Variants in TMPO observed in about 807,000 individuals in gnomAD.
TMPO encodes LEM domain containing 4.
Under a neutral mutation model 45.4 loss-of-function variants are expected in TMPO, and 22 were observed. The ratio of observed to expected loss-of-function variants is 0.48; its 90% CI spans 0.35 to 0.69. TMPO has a LOEUF of 0.69. TMPO is among the 30% of genes least tolerant of loss of function. The pLI is 0.01. For missense variants in TMPO, 512 were observed against 548.8 expected, an observed-to-expected ratio of 0.93 and a Z score of 0.67; for synonymous variants, 241 against 204.1, an observed-to-expected ratio of 1.18 and a Z score of -1.54.
intron 1 of TMPO, among the ~76,000 whole-genome samples, chr12:98,518,937 G>C (rs1433965183): frequency 6.6e-6 from 1 of 151,590 alleles, no homozygotes; most frequent in Admixed American, 6.6e-5. Flanking sequence ...TCTGGGGTGC[G>C]GTGGCGCGAT....
intron 2 of TMPO, among the ~76,000 whole-genome samples, chr12:98,531,260 A>T (rs1877172026): frequency 1.1e-5 from 1 of 89,026 alleles, no homozygotes. Context: ...TTTTTTTTTA[A>T]GACAGCATCT....
At chr12:98,534,440 A>G in intron 3 of TMPO, 2 of 1,580,398 alleles carry the variant, frequency 1.3e-6, no homozygotes, top group South Asian at 1.1e-5. Flanking sequence ...AGATAGGGCT[A>G]ATTACAAAAT....
intron 3 of TMPO, 133 bp from the exon 4 acceptor site, chr12:98,537,342 G>A (rs1053902116): frequency 4.4e-6 from 3 of 675,132 alleles, no homozygotes; most frequent in East Asian, 5.4e-5. Flanking sequence ...TTTTGGACTA[G>A]TGAGGTATTA....
chr12:98,519,705 T>C (rs918837797), intron 1 of TMPO, among the ~76,000 whole-genome samples: 5 of 152,172 alleles, frequency 3.3e-5, no homozygotes, highest in Admixed American at 6.5e-5. Flanking sequence ...AAGAAAAATA[T>C]TGGTAGTCAG....
At chr12:98,541,057 AC>A (rs1877887757) in intron 4 of TMPO, among the ~76,000 whole-genome samples, 1 of 152,144 alleles carries the variant, frequency 6.6e-6, no homozygotes, top group East Asian at 1.9e-4. Flanking sequence ...TTTGATGTTC[AC>A]ATTGTGCCAT....
In TMPO at chr12:98,548,969, A is replaced by T. The variant is rs1878377594; in HGVS notation, c.*1111A>T. 1 of 152,190 alleles carries T rather than the reference A, an allele frequency of 6.6e-6. No individual in the cohort carries two copies. Among genetic ancestry groups the T allele is most frequent in the Non-Finnish European group, 1.5e-5 (1 of 68,112 alleles). 9.4% of individuals were successfully genotyped at this position (152,190 alleles called of 1,614,324 possible). On this transcript the variant is annotated 3_prime_UTR_variant, in exon 9 of 9. Coordinates refer to ENST00000556029, the MANE Select transcript of TMPO (RefSeq NM_001032283.3). ...CCCCGTCTCTACTAAAAATACAAAAAAATTAGCTGGGCGTGATGATGTGCG... is the reference window on the plus strand; with the variant it reads ...CCCCGTCTCTACTAAAAATACAAAATAATTAGCTGGGCGTGATGATGTGCG...
At chr12:98,537,667 C>G (rs1877655729) in intron 4 of TMPO, 95 bp downstream of exon 4, 1 of 922,194 alleles carries the variant, frequency 1.1e-6, no homozygotes, top group South Asian at 1.4e-5. Context: ...CACCCAGATT[C>G]CAGCACGCTC....
intron 1 of TMPO, among the ~76,000 whole-genome samples, chr12:98,519,242 C>T (rs1876143689): frequency 6.6e-6 from 1 of 151,880 alleles, no homozygotes; most frequent in Admixed American, 6.6e-5. Flanking sequence ...GAGACGGAGT[C>T]TCCATTGCCC....
At position 98,547,645 on chromosome 12, in the gene TMPO, G is replaced by A. The variant is rs1433868948; in HGVS notation, c.1152G>A (p.Glu384=). 27 of 1,614,072 alleles carry A rather than the reference G, an allele frequency of 1.7e-5. No individual in the cohort carries two copies. Among genetic ancestry groups the A allele is most frequent in the Non-Finnish European group, 2.1e-5 (25 of 1,180,056 alleles). ...AACTCAGTGATTTCAGGATGGAGGA[G>A]TCTTTTTCATCTAAATATGTTCCTA... ...PLELSDFRME[E]SFSSKYVPKY... is the part of the protein sequence containing the mutation. Residue 384 remains glutamate (E), a synonymous_variant, in exon 9 of 9, where the codon GAG becomes GAA. Transcript: ENST00000556029.
At chr12:98,516,324 G>T in intron 1 of TMPO, 178 bp downstream of exon 1, 5 of 1,226,526 alleles carry the variant, frequency 4.1e-6, no homozygotes, top group Non-Finnish European at 5.1e-6. Context: ...GAGCGGAGAG[G>T]CCAGAAGTTG....
rs1351997207 is a variant in TMPO, at chr12:98,533,718, C to T, written c.565+1880C>T. On this transcript the variant is annotated intron_variant, in intron 3 of 8. Coordinates refer to ENST00000556029, the MANE Select transcript of TMPO (RefSeq NM_001032283.3). ...AATCACAGCATGATAAAATAGATGCCTCAGAACTATCTTTTCCCTTCCATG... is the reference window on the plus strand; with the variant it reads ...AATCACAGCATGATAAAATAGATGCTTCAGAACTATCTTTTCCCTTCCATG... The T allele has an allele frequency of 1.9e-6, 3 of 1,614,130 alleles. No individual in the cohort carries two copies. In the East Asian group the frequency reaches 6.7e-5, roughly 36 times the overall value.
In TMPO at chr12:98,515,771, C is replaced by T; in HGVS notation, c.-97C>T. On this transcript the variant is annotated 5_prime_UTR_variant, in exon 1 of 9. Transcript: ENST00000556029. ...CTCTTCCCGGGCAGGAGCCGTGAGG[C>T]TCGGAGGCGGCAGCGCGGTCCCCGG... is the stretch of plus-strand genomic sequence containing the variant. 1.9e-6 allele frequency: 3 copies of T among 1,547,592 alleles called. No homozygotes were observed. Among genetic ancestry groups the T allele is most frequent in the Non-Finnish European group, 2.6e-6 (3 of 1,146,178 alleles).
intron 1 of TMPO, among the ~76,000 whole-genome samples, chr12:98,524,467 G>A (rs1200212425): frequency 1.3e-5 from 2 of 152,136 alleles, no homozygotes; most frequent in East Asian, 3.9e-4. Context: ...AGATACTCAG[G>A]AGGCTGAGGC....
chr12:98,527,730 A>G, intron 1 of TMPO, 156 bp from the exon 2 acceptor site: 2 of 746,320 alleles, frequency 2.7e-6, no homozygotes, highest in Non-Finnish European at 4.4e-6. Context: ...AGTGTTCTCC[A>G]ATAATGAGTT....
chr12:98,525,755 A>T (rs1257254145), intron 1 of TMPO, among the ~76,000 whole-genome samples: 1 of 151,798 alleles, frequency 6.6e-6, no homozygotes, highest in South Asian at 2.1e-4. Context: ...AAAAAAAAAA[A>T]AGATTTGATT....
chr12:98,547,178 C>A (rs189571368), intron 8 of TMPO, among the ~76,000 whole-genome samples: 86 of 151,272 alleles, frequency 5.7e-4, no homozygotes, highest in African/African-American at 2.0e-3. Context: ...TGGGTTCAAG[C>A]GATTCTCCTG....
chr12:98,528,086 T>C (rs1204126216), intron 2 of TMPO, 74 bp downstream of exon 2: 1 of 1,578,196 alleles, frequency 6.3e-7, no homozygotes, highest in African/African-American at 1.3e-5. Flanking sequence ...CCTTTTTGTT[T>C]AGCAGTTTAG....
chr12:98,522,028 CTGTG>C (rs1344383598), intron 1 of TMPO, among the ~76,000 whole-genome samples: 1 of 152,040 alleles, frequency 6.6e-6, no homozygotes, highest in African/African-American at 2.4e-5. Flanking sequence ...CCACGCCTGT[CTGTG>C]TGTTTGTTTG....
intron 6 of TMPO, chr12:98,544,750 T>C (rs1000261339): frequency 3.1e-6 from 2 of 648,398 alleles, no homozygotes; most frequent in African/African-American, 3.7e-5. Flanking sequence ...TACAAGAAAG[T>C]ATAAGGATAT....
Sources: allele counts gnomAD v4.1 joint callset (sites outside exome capture counted in the v4.1 genomes callset), GRCh38; gene constraint gnomAD v4.1.1; transcripts MANE v1.5; gene names NCBI Gene and HGNC (gene_info 2026-07-23, HGNC 2026-07-21).